The following NAA60 variants were observed in gnomAD, a reference collection of about 807,000 sequenced individuals.
The protein encoded by NAA60 is N-alpha-acetyltransferase 60, NatF catalytic subunit, also known as N-alpha-acetyltransferase 60.
In NAA60, 8 loss-of-function variants were observed where a neutral mutation model predicts 26.1. The ratio of observed to expected loss-of-function variants is 0.31; its 90% CI spans 0.18 to 0.55. NAA60 has a LOEUF of 0.55. NAA60 is among the 20% of genes least tolerant of loss of function. NAA60 has a pLI of 0.93. For synonymous variants in NAA60, 131 were observed against 122.5 expected (o/e 1.07, Z -0.46); for missense variants, 290 against 311.3 (o/e 0.93, Z 0.51).
chr16:3,471,770 G>T (rs1210548779), intron 2 of NAA60, among the ~76,000 whole-genome samples: 1 of 152,154 alleles, frequency 6.6e-6, no homozygotes, highest in Non-Finnish European at 1.5e-5. Flanking sequence ...AAACCTGGGC[G>T]GCTGGGCCTA....
At chr16:3,478,063 A>AG (rs1458440288) in intron 3 of NAA60, among the ~76,000 whole-genome samples, 2 of 145,136 alleles carry the variant, frequency 1.4e-5, no homozygotes, top group African/African-American at 5.1e-5. Flanking sequence ...ACTCTGTCTC[A>AG]AAATAATAAT....
At chr16:3,460,877 G>A (rs2035345616) in intron 2 of NAA60, among the ~76,000 whole-genome samples, 1 of 152,172 alleles carries the variant, frequency 6.6e-6, no homozygotes, top group Non-Finnish European at 1.5e-5. Context: ...GCCTTGAAGT[G>A]CAAAGAATGA....
At chr16:3,453,995 G>T (rs1030114001) in intron 2 of NAA60, among the ~76,000 whole-genome samples, 1 of 152,154 alleles carries the variant, frequency 6.6e-6, no homozygotes, top group African/African-American at 2.4e-5. Context: ...TTGGATACTG[G>T]ACTTAGTTCC....
chr16:3,482,656 C>T (rs2151019819), intron 5 of NAA60, 58 bp downstream of exon 5: 1 of 1,280,302 alleles, frequency 7.8e-7, no homozygotes, highest in South Asian at 1.3e-5. Context: ...CCTACCCCAC[C>T]CCCATCCCAT....
chr16:3,475,739 C>G (rs574507703), intron 2 of NAA60, among the ~76,000 whole-genome samples: 2 of 152,348 alleles, frequency 1.3e-5, no homozygotes, highest in East Asian at 1.9e-4. Context: ...TAAAGCCGCA[C>G]CATTTCCCCT....
chr16:3,470,877 T>C (rs574078669), intron 2 of NAA60, among the ~76,000 whole-genome samples: 2 of 152,354 alleles, frequency 1.3e-5, no homozygotes, highest in East Asian at 3.9e-4. Context: ...TGCACCTTCC[T>C]GCCTCTTCTC....
intron 2 of NAA60, among the ~76,000 whole-genome samples, chr16:3,475,903 G>A (rs1889173580): frequency 6.6e-6 from 1 of 152,234 alleles, no homozygotes; most frequent in Non-Finnish European, 1.5e-5. Flanking sequence ...AAGGACCACT[G>A]TCATAAGATG....
At chr16:3,484,533 G>C (rs3999805) in intron 6 of NAA60, 166 bp from the exon 7 acceptor site, 1 of 886,872 alleles carries the variant, frequency 1.1e-6, no homozygotes, top group Non-Finnish European at 1.7e-6. Context: ...AGGCCACTTC[G>C]TCTCATGAGC....
At chr16:3,470,683 C>T (rs901685011) in intron 2 of NAA60, among the ~76,000 whole-genome samples, 1 of 152,222 alleles carries the variant, frequency 6.6e-6, no homozygotes, top group African/African-American at 2.4e-5. Context: ...GGGGGGGCCG[C>T]TGGCCCTGCC....
At position 3,483,571 on chromosome 16, in the gene NAA60, C is replaced by T. The variant is rs763165353; in HGVS notation, c.546C>T (p.Asn182=). The T allele has an allele frequency of 1.7e-5, 27 of 1,612,402 alleles. No homozygotes were observed. The highest frequency in any genetic ancestry group is 8.8e-5 in the South Asian group (8 of 90,880). The change falls in exon 6 of 8, where the codon AAC becomes AAT. Residue 182 remains asparagine, a synonymous_variant. Transcript: ENST00000407558. ...GCTTCACCTATGTCCTCTACATCAA[C>T]GGCGGCCACCCTCCCTGGACGATTT... ...KDGFTYVLYI[N]GGHPPWTILD...
chr16:3,476,200 T>TCCCCC, intron 2 of NAA60, 22 bp from the exon 3 acceptor site: 1 of 1,540,884 alleles, frequency 6.5e-7, no homozygotes, highest in Non-Finnish European at 8.9e-7. Context: ...AGGTGACGCG[T>TCCCCC]CCCCCCCACC....
At chr16:3,483,870 G>A in intron 6 of NAA60, 3 of 492,792 alleles carry the variant, frequency 6.1e-6, no homozygotes, top group Non-Finnish European at 7.2e-6. Context: ...TGGGATTATA[G>A]GCATGAGCCC....
intron 2 of NAA60, among the ~76,000 whole-genome samples, chr16:3,474,313 G>T (rs1181475415): frequency 2.0e-5 from 3 of 152,204 alleles, no homozygotes; most frequent in African/African-American, 7.2e-5. Context: ...CTAGTAGTGG[G>T]TGCTCAAGGC....
intron 2 of NAA60, 34 bp downstream of exon 2, chr16:3,448,574 G>C (rs1373903249): frequency 1.3e-6 from 2 of 1,511,668 alleles, no homozygotes; most frequent in African/African-American, 2.8e-5. Flanking sequence ...TGCTATTAAT[G>C]ATGCCCTCAT....
intron 2 of NAA60, among the ~76,000 whole-genome samples, chr16:3,464,343 G>T (rs1440148495): frequency 6.6e-6 from 1 of 152,140 alleles, no homozygotes; most frequent in Non-Finnish European, 1.5e-5. Flanking sequence ...TTTGATTCCA[G>T]AGGATCTTAA....
intron 2 of NAA60, chr16:3,458,093 C>T (rs1206588455): frequency 2.1e-5 from 21 of 985,208 alleles, no homozygotes; most frequent in Non-Finnish European, 2.5e-5. Context: ...TCGTTGCGGG[C>T]TCCGCGCGGT....
intron 2 of NAA60, chr16:3,457,880 T>C (rs2035078521): frequency 5.3e-6 from 4 of 750,728 alleles, no homozygotes; most frequent in African/African-American, 1.9e-5. Flanking sequence ...GCATACGGGA[T>C]CCTGGGCCTG....
chr16:3,480,875 C>T (rs755864362), intron 4 of NAA60, among the ~76,000 whole-genome samples: 2 of 152,160 alleles, frequency 1.3e-5, no homozygotes, highest in African/African-American at 4.8e-5. Context: ...CACTTTTGCA[C>T]TCCAGCCTGG....
chr16:3,481,111 A>G (rs575489632), intron 4 of NAA60, among the ~76,000 whole-genome samples: 2 of 150,772 alleles, frequency 1.3e-5, no homozygotes, highest in African/African-American at 4.9e-5. Context: ...AAGTGTCAAC[A>G]TTCTTTTCTC....
Sources: allele counts gnomAD v4.1 joint callset (sites outside exome capture counted in the v4.1 genomes callset), GRCh38; gene constraint gnomAD v4.1.1; transcripts MANE v1.5; gene names NCBI Gene and HGNC (gene_info 2026-07-23, HGNC 2026-07-21).